MYO7B: variants seen among roughly 807,000 people sequenced by gnomAD.
MYO7B encodes the protein myosin VIIB.
MYO7B carries 212 observed loss-of-function variants against 259.7 expected under a neutral mutation model. That is an observed-to-expected ratio of 0.82 (90% CI 0.73 to 0.91). The LOEUF is 0.91. MYO7B is among the 40% of genes least tolerant of loss of function. The probability of loss-of-function intolerance (pLI) is 0.00; values close to 1 mark genes in which losing one functional copy is unlikely to be tolerated. For missense variants in MYO7B, 2,732 were observed against 2,813.5 expected (o/e 0.97, Z 0.66); for synonymous variants, 1,197 against 1,166.4 (o/e 1.03, Z -0.54).
chr2:127,608,731 G>C lies in MYO7B; in HGVS notation c.2667G>C (p.Glu889Asp). ...KANAPLVIPA[E>D]GQKSQGALPA... ...AGGCGCCGCTGGTCATCCCGGCCGA[G>C]GGGCAGAAAAGCCAAGGCGCTCTCC... Residue 889 changes from glutamate (E) to aspartate (D), a missense_variant, in exon 22 of 48, where the codon GAG becomes GAC. Around this residue, in one of 3 missense-constraint regions of MYO7B, gnomAD observed 1,906 missense variants for 2,026.4 expected, o/e 0.94. Coordinates refer to ENST00000409816, the MANE Select transcript of MYO7B (RefSeq NM_001393586.1). 1 of 1,612,716 alleles carries C rather than the reference G, an allele frequency of 6.2e-7. No homozygotes were observed. The highest frequency in any genetic ancestry group is 1.1e-5 in the South Asian group (1 of 91,056).
chr2:127,605,776 T>G, intron 19 of MYO7B, 68 bp from the exon 20 acceptor site: 2 of 1,423,538 alleles, frequency 1.4e-6, no homozygotes, highest in Non-Finnish European at 2.0e-6. Context: ...CCAAACCAGT[T>G]TTTCTCCCTC....
At chr2:127,608,605 G>C in intron 21 of MYO7B, 103 bp from the exon 22 acceptor site, 1 of 1,258,764 alleles carries the variant, frequency 7.9e-7, no homozygotes, top group Non-Finnish European at 1.1e-6. Context: ...GCAGGATGAG[G>C]CTTACTTGGC....
rs200585496 is a variant in MYO7B at position 127,637,432 on chromosome 2, G to C, written c.*15G>C. 5 of 1,490,900 alleles carry C rather than the reference G, an allele frequency of 3.4e-6. No individual in the cohort carries two copies. Among genetic ancestry groups the C allele is most frequent in the South Asian group, 2.7e-5 (2 of 74,180 alleles). The allele number at this position is 1,490,900 out of a possible 1,614,324, so 92.4% of individuals were successfully genotyped here. A position where few individuals can be genotyped will look rare whatever the true frequency, so the allele number is the denominator to read the frequency against. On this transcript the variant is annotated 3_prime_UTR_variant, in exon 48 of 48. Transcript: ENST00000409816. ...CCAGCACCTAGCAGCGGATGCTGGC[G>C]TGTCTGCTCAGGCGCCCTTCCCGAC...
chr2:127,585,471 G>A lies in MYO7B; in HGVS notation c.1690+558G>A, dbSNP rs538316761. On this transcript the variant is annotated intron_variant, in intron 14 of 47. Transcript: ENST00000409816. The surrounding 1 kb of genome is among the most constrained non-coding windows in gnomAD (Gnocchi z 4.3). ...TTCCATTATCTGGAATGTTTATCTC[G>A]TCATCAGTTGGCGGACATTTGGGTT... Among the ~76,000 whole-genome samples, 3 of 152,202 alleles carry A rather than the reference G, an allele frequency of 2.0e-5. No homozygotes were observed. The highest frequency in any genetic ancestry group is 2.1e-4 in the South Asian group (1 of 4,820).
chr2:127,585,043 C>T lies in MYO7B; in HGVS notation c.1690+130C>T. 8.3e-7 allele frequency: 1 copy of T among 1,205,104 alleles called. No individual in the cohort carries two copies. The highest frequency in any genetic ancestry group is 1.2e-6 in the Non-Finnish European group (1 of 853,136). The allele number at this position is 1,205,104 out of a possible 1,614,324, so 74.7% of individuals were successfully genotyped here. A position where few individuals can be genotyped will look rare whatever the true frequency, so the allele number is the denominator to read the frequency against. ...TGGGGCAGAGGGATGAGTAGTATGG[C>T]TTCTACTGGAGAAAGAAAATGGAGT... is the stretch of plus-strand genomic sequence containing the variant. On this transcript the variant is annotated intron_variant, in intron 14 of 47. Transcript: ENST00000409816. This position sits in a 1 kb window ranked among gnomAD's most constrained non-coding sequence, Gnocchi z 4.3.
intron 26 of MYO7B, among the ~76,000 whole-genome samples, chr2:127,619,666 T>TG (rs372773348): frequency 2.6e-5 from 4 of 152,148 alleles, no homozygotes; most frequent in African/African-American, 9.7e-5. Flanking sequence ...CTTTTCTTCT[T>TG]GGGGGAGCTG....
intron 1 of MYO7B, among the ~76,000 whole-genome samples, chr2:127,548,706 G>T (rs780118687): frequency 3.5e-4 from 54 of 152,178 alleles, no homozygotes; most frequent in Non-Finnish European, 7.1e-4. Context: ...GAGCTACCAC[G>T]CCCGGCCTCT....
rs550276772 is a variant in MYO7B at position 127,575,470 on chromosome 2, AGAG to A, written c.736-1120_736-1118del. On this transcript the variant is annotated intron_variant, in intron 7 of 47. Coordinates refer to ENST00000409816, the MANE Select transcript of MYO7B (RefSeq NM_001393586.1). ...TAAAATTACGGCATATCTATACTAC[AGAG>A]GAGGCGGTCTGTCCATGTCAATGTA... is the stretch of plus-strand genomic sequence containing the variant. 4.2e-3 allele frequency among the ~76,000 whole-genome samples: 639 copies of A among 152,250 alleles called. 6 individuals are homozygous for A. Among genetic ancestry groups the A allele is most frequent in the African/African-American group, 0.015 (603 of 41,542 alleles).
intron 18 of MYO7B, among the ~76,000 whole-genome samples, chr2:127,594,666 G>A (rs1276068256): frequency 6.6e-6 from 1 of 152,006 alleles, no homozygotes; most frequent in Non-Finnish European, 1.5e-5. Flanking sequence ...TTTATTGAGA[G>A]TTTTTTTTAA....
rs1680297617 is a variant in MYO7B, at chr2:127,609,595, G to A, written c.2904G>A (p.Leu968=). 1 of 1,613,886 alleles carries A rather than the reference G, an allele frequency of 6.2e-7. No homozygotes were observed. The highest frequency in any genetic ancestry group is 1.3e-5 in the African/African-American group (1 of 74,920). The change falls in exon 23 of 48, where the codon CTG becomes CTA. Residue 968 remains leucine (L), a synonymous_variant. Coordinates refer to ENST00000409816, the MANE Select transcript of MYO7B (RefSeq NM_001393586.1). This position sits in a 1 kb window ranked among gnomAD's most constrained non-coding sequence, Gnocchi z 6.9. Reference sequence around the variant, plus strand: ...AGCCTGAGGAGGATGTGGATGGCCTGGCCGAGTACACCTTCCCCAAGTTTG... The same window carrying A: ...AGCCTGAGGAGGATGTGGATGGCCTAGCCGAGTACACCTTCCCCAAGTTTG... ...AEEPEEDVDG[L]AEYTFPKFAV...
intron 39 of MYO7B, among the ~76,000 whole-genome samples, chr2:127,632,714 G>A (rs1681588183): frequency 6.6e-6 from 1 of 152,224 alleles, no homozygotes; most frequent in South Asian, 2.1e-4. Flanking sequence ...CAAGGCTGAG[G>A]TCAGAGGCCC....
rs781385975 is a variant in MYO7B, at chr2:127,628,061, C to T, written c.4461-311C>T. 1.6e-4 allele frequency: 88 copies of T among 563,472 alleles called. No individual in the cohort carries two copies. The highest frequency in any genetic ancestry group is 1.1e-3 in the Middle Eastern group (4 of 3,698). 34.9% of individuals were successfully genotyped at this position (563,472 alleles called of 1,614,324 possible). On this transcript the variant is annotated intron_variant, in intron 33 of 47. Transcript: ENST00000409816. The surrounding 1 kb of genome is among the most constrained non-coding windows in gnomAD (Gnocchi z 4.8). ...GCTCAGAGTAAGCACATGGCAGAGC[C>T]GGCAGCTCATCTCAGCTCTGACCTT... is the stretch of plus-strand genomic sequence containing the variant.
intron 36 of MYO7B, 52 bp from the exon 37 acceptor site, chr2:127,631,154 T>C (rs1282544472): frequency 6.6e-7 from 1 of 1,521,400 alleles, no homozygotes; most frequent in Non-Finnish European, 8.8e-7. Context: ...CAGAGAAGCG[T>C]GGGACAGAGA....
rs1402289655 is a variant in MYO7B at position 127,627,814 on chromosome 2, C to T, written c.4460+504C>T. 1 of 457,754 alleles carries T rather than the reference C, an allele frequency of 2.2e-6. No individual in the cohort carries two copies. The highest frequency in any genetic ancestry group is 6.9e-5 in the East Asian group (1 of 14,398). 28.4% of individuals were successfully genotyped at this position (457,754 alleles called of 1,614,324 possible). ...ACTTTTCCATGCCCTTTGGGAAGTC[C>T]CACCCAAGCCCTGCCAGAGCGCCCC... is the stretch of plus-strand genomic sequence containing the variant. On this transcript the variant is annotated intron_variant, in intron 33 of 47. Coordinates refer to ENST00000409816, the MANE Select transcript of MYO7B (RefSeq NM_001393586.1). The surrounding 1 kb of genome is among the most constrained non-coding windows in gnomAD (Gnocchi z 5.6).
chr2:127,616,538 C>A (rs1680577346), intron 26 of MYO7B, among the ~76,000 whole-genome samples: 1 of 152,228 alleles, frequency 6.6e-6, no homozygotes, highest in South Asian at 2.1e-4. Flanking sequence ...CCTGGGGTTA[C>A]AATAATGCCC....
chr2:127,580,892 A>G, intron 10 of MYO7B, 70 bp downstream of exon 10: 1 of 1,425,588 alleles, frequency 7.0e-7, no homozygotes, highest in Non-Finnish European at 9.7e-7. Flanking sequence ...CAGACCCCTG[A>G]CACCTGATTC....
chr2:127,596,319 G>C (rs1558824342), intron 18 of MYO7B, 143 bp from the exon 19 acceptor site: 2 of 656,636 alleles, frequency 3.0e-6, no homozygotes, highest in East Asian at 5.5e-5. Flanking sequence ...CAACATCAAG[G>C]TCACTTTGAG....
Position 127,635,914 on chromosome 2 carries a change from G to A in MYO7B, c.6006+7G>A. ...CTCGGAGGAGTGGAAAAAGGTCCCT[G>A]GTCGGGCTGGGGAAGGGTTCTTGTG... On this transcript the variant is annotated splice_region_variant and intron_variant, in intron 44 of 47. Coordinates refer to ENST00000409816, the MANE Select transcript of MYO7B (RefSeq NM_001393586.1). 6.4e-7 allele frequency: 1 copy of A among 1,560,700 alleles called. No homozygotes were observed. Among genetic ancestry groups the A allele is most frequent in the South Asian group, 1.2e-5 (1 of 84,564 alleles).
At chr2:127,594,280 A>C (rs77093811) in intron 18 of MYO7B, among the ~76,000 whole-genome samples, 1,537 of 152,308 alleles carry the variant, frequency 0.01, 27 homozygotes, top group African/African-American at 0.035. Context: ...CCCTAGTCTC[A>C]TAAGCCTCAG....
Sources: gnomAD v4.1 joint callset for allele counts (sites outside exome capture counted in the v4.1 genomes callset) on GRCh38, gnomAD v4.1.1 for gene constraint, gnomAD v4.1.1 regional missense constraint, Gnocchi (gnomAD v3.1) non-coding constraint, MANE v1.5 for transcripts, NCBI Gene and HGNC (gene_info 2026-07-23, HGNC 2026-07-21) for gene names.